Variants in PLCZ1 observed in about 807,000 individuals in gnomAD.
The protein encoded by PLCZ1 is phospholipase C zeta 1.
PLCZ1 carries 64 observed loss-of-function variants against 76.8 expected under a neutral mutation model. That is an observed-to-expected ratio of 0.83 (90% CI 0.68 to 1.03). The LOEUF (loss-of-function observed/expected upper bound fraction) is 1.03. Ranked by LOEUF, PLCZ1 falls within the 50% of genes least tolerant of loss-of-function variation. The pLI, the probability that PLCZ1 is intolerant of heterozygous loss-of-function variation, is 0.00. For synonymous variants in PLCZ1, 248 were observed against 230.8 expected (o/e 1.07, Z -0.68); for missense variants, 751 against 713.7 (o/e 1.05, Z -0.60).
the PLCZ1 span, among the ~76,000 whole-genome samples, chr12:18,659,876 T>A: frequency 1.3e-5 from 2 of 152,150 alleles, no homozygotes; most frequent in Non-Finnish European, 2.9e-5. Flanking sequence ...CTAGTTGACT[T>A]ACTCTATAAG....
chr12:18,660,999 G>A, the PLCZ1 span, among the ~76,000 whole-genome samples: 79,402 of 151,960 alleles, frequency 0.52, 21,795 homozygotes, highest in South Asian at 0.67. Flanking sequence ...TCTGGAACTG[G>A]AAAGTACAAC....
chr12:18,696,321 A>T (rs1954979932), intron 10 of PLCZ1, 55 bp from the exon 11 acceptor site: 1 of 301,292 alleles, frequency 3.3e-6, no homozygotes. Flanking sequence ...TTAAAAAGCC[A>T]CTATATATAT....
rs79739186 is a variant in PLCZ1, at chr12:18,698,060, G to A, written c.1174+1734C>T. Reference sequence around the variant, plus strand: ...CTGTGCCTACAGGTCCTGTCCTCATGAACAACATGAGGACCTGTCCTCATG... The same window carrying A: ...CTGTGCCTACAGGTCCTGTCCTCATAAACAACATGAGGACCTGTCCTCATG... On this transcript the variant is annotated intron_variant, in intron 10 of 14. Coordinates refer to ENST00000266505, the MANE Select transcript of PLCZ1 (RefSeq NM_033123.4). 7.0e-3 allele frequency among the ~76,000 whole-genome samples: 1,066 copies of A among 151,868 alleles called. 11 individuals carry two copies. The highest frequency in any genetic ancestry group is 0.025 in the African/African-American group (1,034 of 41,384).
chr12:18,737,354 T>A lies in PLCZ1; in HGVS notation c.11+7A>T. ...AAGAGGAGCAGAAAGAAGCTCTCAA[T>A]GGATATCTCATTTCCATAGTTTCAT... On this transcript the variant is annotated splice_region_variant and intron_variant, in intron 2 of 14. Coordinates refer to ENST00000266505, the MANE Select transcript of PLCZ1 (RefSeq NM_033123.4). 1 of 1,613,032 alleles carries A rather than the reference T, an allele frequency of 6.2e-7. No homozygotes were observed. The highest frequency in any genetic ancestry group is 8.5e-7 in the Non-Finnish European group (1 of 1,179,022).
At chr12:18,679,778 C>T (rs1952249106), downstream of PLCZ1, among the ~76,000 whole-genome samples, 1 of 151,920 alleles carries the variant, frequency 6.6e-6, no homozygotes, top group African/African-American at 2.4e-5. Context: ...AAATTATGTA[C>T]ACATGGAAAG....
In PLCZ1 at chr12:18,696,348, A is replaced by ATATC. The variant is rs1955027501; in HGVS notation, c.1175-86_1175-83dup. ...TATATATATATATATATATATATATATATCATATAATTCTATAATAGTTTC... is the reference window on the plus strand; with the variant it reads ...TATATATATATATATATATATATATATATCTATCATATAATTCTATAATAGTTTC... On this transcript the variant is annotated intron_variant, in intron 10 of 14. Transcript: ENST00000266505. The ATATC allele has an allele frequency of 2.3e-5, 5 of 214,328 alleles. 1 individual carries two copies. The highest frequency in any genetic ancestry group is 2.8e-4 in the East Asian group (2 of 7,096). The allele number at this position is 214,328 out of a possible 1,614,324, so 13.3% of individuals were successfully genotyped here.
chr12:18,719,011 G>T (rs1020417552), intron 5 of PLCZ1, among the ~76,000 whole-genome samples: 2 of 152,094 alleles, frequency 1.3e-5, no homozygotes, highest in Non-Finnish European at 2.9e-5. Flanking sequence ...ACAATGTACT[G>T]TATTTATGTG....
At chr12:18,708,660 C>G (rs1956924565) in intron 6 of PLCZ1, among the ~76,000 whole-genome samples, 1 of 152,082 alleles carries the variant, frequency 6.6e-6, no homozygotes, top group Non-Finnish European at 1.5e-5. Context: ...CACGCCCTCG[C>G]CAACATTTGT....
intron 6 of PLCZ1, among the ~76,000 whole-genome samples, chr12:18,706,236 A>C (rs964216065): frequency 4.0e-4 from 60 of 151,460 alleles, no homozygotes; most frequent in Middle Eastern, 3.4e-3. Context: ...TGTCTCAAAA[A>C]TAAAAATAAA....
downstream of PLCZ1, among the ~76,000 whole-genome samples, chr12:18,678,194 A>G (rs1477933212): frequency 1.3e-5 from 2 of 152,038 alleles, no homozygotes; most frequent in East Asian, 1.9e-4. Flanking sequence ...ACCTGATCCA[A>G]TTAGAGGTCT....
chr12:18,650,748 A>C, the PLCZ1 span, among the ~76,000 whole-genome samples: 12 of 78,566 alleles, frequency 1.5e-4, 1 homozygote, highest in East Asian at 7.1e-4. Context: ...ATATATATAT[A>C]TATATATATA....
At chr12:18,664,761 T>A in the PLCZ1 span, among the ~76,000 whole-genome samples, 4,735 of 151,588 alleles carry the variant, frequency 0.031, 252 homozygotes, top group African/African-American at 0.11. Flanking sequence ...CCAATCCAAA[T>A]GTCCAACAAT....
chr12:18,700,847 C>T (rs2137254603), intron 9 of PLCZ1, among the ~76,000 whole-genome samples: 1 of 152,208 alleles, frequency 6.6e-6, no homozygotes, highest in East Asian at 1.9e-4. Flanking sequence ...ATACATATAA[C>T]ATTATGTATT....
chr12:18,670,817 C>G, the PLCZ1 span, among the ~76,000 whole-genome samples: 2 of 152,144 alleles, frequency 1.3e-5, no homozygotes, highest in South Asian at 4.1e-4. Context: ...ATGAAACATT[C>G]TTTCAAATGA....
chr12:18,646,936 CA>C, the PLCZ1 span, among the ~76,000 whole-genome samples: 1 of 151,424 alleles, frequency 6.6e-6, no homozygotes, highest in African/African-American at 2.4e-5. Context: ...AAAAAAAGAA[CA>C]AGACGTGAAA....
intron 10 of PLCZ1, among the ~76,000 whole-genome samples, chr12:18,698,630 AT>A (rs1955456878): frequency 6.6e-6 from 1 of 151,804 alleles, no homozygotes; most frequent in South Asian, 2.1e-4. Flanking sequence ...GGTAGATTGC[AT>A]TTTTTTAACT....
intron 12 of PLCZ1, chr12:18,693,893 A>G: frequency 1.3e-6 from 2 of 1,531,326 alleles, no homozygotes; most frequent in Admixed American, 1.7e-5. Flanking sequence ...AAGCAGGATG[A>G]CGCTGGCTGA....
At chr12:18,658,000 A>G in the PLCZ1 span, among the ~76,000 whole-genome samples, 4 of 152,238 alleles carry the variant, frequency 2.6e-5, no homozygotes, top group South Asian at 2.1e-4. Flanking sequence ...AAAGAGACAT[A>G]TTATGAAGTA....
chr12:18,664,127 C>T, the PLCZ1 span, among the ~76,000 whole-genome samples: 10 of 152,128 alleles, frequency 6.6e-5, 1 homozygote, highest in South Asian at 1.2e-3. Context: ...AAATAACAAG[C>T]GAGGGTCAGG....
Sources: gnomAD v4.1 joint callset for allele counts (sites outside exome capture counted in the v4.1 genomes callset) on GRCh38, gnomAD v4.1.1 for gene constraint, MANE v1.5 for transcripts, NCBI Gene and HGNC (gene_info 2026-07-23, HGNC 2026-07-21) for gene names.